The following FBLN2 variants were observed in gnomAD, a reference collection of about 807,000 sequenced individuals.
FBLN2 encodes fibulin 2.
A neutral mutation model predicts 123.7 loss-of-function variants in FBLN2; 81 were observed. That is an observed-to-expected ratio of 0.65 (90% CI 0.55 to 0.79). The LOEUF (loss-of-function observed/expected upper bound fraction) is 0.79. FBLN2 is among the 30% of genes least tolerant of loss of function. The pLI is 0.00. For missense variants in FBLN2, 1,603 were observed against 1,681.3 expected, an observed-to-expected ratio of 0.95 and a Z score of 0.81; for synonymous variants, 699 against 701.4, an observed-to-expected ratio of 1.00 and a Z score of 0.05.
chr3:13,613,658 C>T (rs1236806144), intron 4 of FBLN2, among the ~76,000 whole-genome samples: 1 of 152,148 alleles, frequency 6.6e-6, no homozygotes, highest in Non-Finnish European at 1.5e-5. Context: ...ACTGCAAAGG[C>T]CCCTGGGAAA....
Position 13,570,820 on chromosome 3 carries a change from G to C in FBLN2, c.465G>C (p.Pro155=). 6.3e-7 allele frequency: 1 copy of C among 1,597,908 alleles called. No individual in the cohort carries two copies. The highest frequency in any genetic ancestry group is 8.5e-7 in the Non-Finnish European group (1 of 1,173,372). ...KYAAGHTVHL[P]PCRACHCPDA... ...CCGCTGGCCACACTGTTCACCTGCC[G>C]CCCTGCCGGGCCTGCCACTGCCCTG... The change falls in exon 2 of 18, where the codon CCG becomes CCC. Residue 155 remains proline (P), a synonymous_variant. Transcript: ENST00000404922.
At chr3:13,629,699 T>A in intron 13 of FBLN2, 121 bp from the exon 14 acceptor site, 2 of 1,352,946 alleles carry the variant, frequency 1.5e-6, no homozygotes, top group South Asian at 3.0e-5. Context: ...GGCCTCTCCC[T>A]GTCTTTCCTT....
At chr3:13,561,090 A>G (rs889519287) in intron 1 of FBLN2, among the ~76,000 whole-genome samples, 6 of 152,108 alleles carry the variant, frequency 3.9e-5, no homozygotes, top group Non-Finnish European at 8.8e-5. Flanking sequence ...AGGTCCTCTG[A>G]TTTCCCTTAC....
intron 9 of FBLN2, among the ~76,000 whole-genome samples, chr3:13,624,323 T>C (rs1164878826): frequency 1.3e-5 from 2 of 152,116 alleles, no homozygotes; most frequent in Non-Finnish European, 2.9e-5. Context: ...GAGCCTCCGC[T>C]CATGGTGCTG....
intron 4 of FBLN2, among the ~76,000 whole-genome samples, chr3:13,613,549 C>T (rs1705472177): frequency 6.6e-6 from 1 of 152,084 alleles, no homozygotes; most frequent in Non-Finnish European, 1.5e-5. Flanking sequence ...CATATGTGCT[C>T]CAAGAAGGAG....
At chr3:13,617,719 C>T (rs1167042422) in intron 5 of FBLN2, among the ~76,000 whole-genome samples, 5 of 109,948 alleles carry the variant, frequency 4.5e-5, no homozygotes, top group African/African-American at 1.8e-4. Flanking sequence ...ATCCATCCAT[C>T]CATTCATCCA....
At chr3:13,565,433 AT>A (rs879593080) in intron 1 of FBLN2, among the ~76,000 whole-genome samples, 3 of 152,166 alleles carry the variant, frequency 2.0e-5, no homozygotes, top group Admixed American at 6.5e-5. Flanking sequence ...GTCCATTGTC[AT>A]TTTGGCTCTT....
At chr3:13,589,973 T>C (rs1460422903) in intron 2 of FBLN2, among the ~76,000 whole-genome samples, 1 of 152,168 alleles carries the variant, frequency 6.6e-6, no homozygotes, top group East Asian at 1.9e-4. Context: ...TAGAGTAAAA[T>C]GTATAGACAG....
intron 2 of FBLN2, among the ~76,000 whole-genome samples, chr3:13,588,105 A>G (rs1459213860): frequency 6.6e-6 from 1 of 152,242 alleles, no homozygotes; most frequent in Admixed American, 6.5e-5. Flanking sequence ...TGCAGGCCCT[A>G]TACAGGCGAA....
intron 10 of FBLN2, among the ~76,000 whole-genome samples, chr3:13,627,566 G>A (rs940891394): frequency 6.6e-6 from 1 of 152,160 alleles, no homozygotes; most frequent in African/African-American, 2.4e-5. Context: ...TACTTCTTAC[G>A]GCTGTGTGGG....
At chr3:13,629,428 C>A in intron 13 of FBLN2, 136 bp downstream of exon 13, 2 of 1,230,452 alleles carry the variant, frequency 1.6e-6, no homozygotes, top group Non-Finnish European at 2.2e-6. Context: ...GGTCGCCTTC[C>A]AGCTGGCCTC....
At chr3:13,559,525 C>T (rs1275145420) in intron 1 of FBLN2, among the ~76,000 whole-genome samples, 2 of 152,120 alleles carry the variant, frequency 1.3e-5, no homozygotes, top group Admixed American at 1.3e-4. Context: ...CTCTAATTGT[C>T]CTGGTGTCCA....
chr3:13,583,915 G>T (rs1004307606), intron 2 of FBLN2, among the ~76,000 whole-genome samples: 6 of 152,224 alleles, frequency 3.9e-5, no homozygotes, highest in Admixed American at 3.9e-4. Flanking sequence ...AACCACAAAG[G>T]TGAAGACCCT....
At chr3:13,573,567 A>G (rs1276478501) in intron 2 of FBLN2, among the ~76,000 whole-genome samples, 2 of 152,050 alleles carry the variant, frequency 1.3e-5, no homozygotes, top group African/African-American at 4.8e-5. Flanking sequence ...TACATTCAGC[A>G]TCTTACCGGC....
At chr3:13,591,345 T>C (rs1329714829) in intron 2 of FBLN2, among the ~76,000 whole-genome samples, 1 of 152,296 alleles carries the variant, frequency 6.6e-6, no homozygotes, top group African/African-American at 2.4e-5. Flanking sequence ...AATAAAACTT[T>C]CTGATGAATT....
At chr3:13,612,514 G>C (rs1705438699) in intron 4 of FBLN2, among the ~76,000 whole-genome samples, 1 of 151,884 alleles carries the variant, frequency 6.6e-6, no homozygotes, top group Admixed American at 6.6e-5. Flanking sequence ...CCGAGTAGGT[G>C]GGACTACAGG....
intron 16 of FBLN2, among the ~76,000 whole-genome samples, chr3:13,632,367 G>C (rs1389456934): frequency 6.6e-6 from 1 of 152,232 alleles, no homozygotes; most frequent in East Asian, 1.9e-4. Flanking sequence ...AGTTCCCTGG[G>C]GTGCAGCTTT....
chr3:13,609,679 T>TGGGGGTG, intron 4 of FBLN2, 37 bp downstream of exon 4: 1 of 80,282 alleles, frequency 1.2e-5, no homozygotes. Context: ...CAGGGTGGGG[T>TGGGGGTG]GGGGCGGGGC....
chr3:13,594,667 C>T lies in FBLN2; in HGVS notation c.1307-13395C>T, dbSNP rs557238100. Reference sequence around the variant, plus strand: ...TGGAGGGAGGGGGAGCCCTAGCCCCCGACCTGGGCCCAGGAAACAGCTTTT... The same window carrying T: ...TGGAGGGAGGGGGAGCCCTAGCCCCTGACCTGGGCCCAGGAAACAGCTTTT... On this transcript the variant is annotated intron_variant, in intron 2 of 17. Transcript: ENST00000404922. Among the ~76,000 whole-genome samples, 11 of 152,292 alleles carry T rather than the reference C, an allele frequency of 7.2e-5. No homozygotes were observed. In the South Asian group the frequency reaches 8.3e-4, roughly 11 times the overall value.
Sources: gnomAD v4.1 joint callset for allele counts (sites outside exome capture counted in the v4.1 genomes callset) on GRCh38, gnomAD v4.1.1 for gene constraint, MANE v1.5 for transcripts, NCBI Gene and HGNC (gene_info 2026-07-23, HGNC 2026-07-21) for gene names.